Variants in KSR1 observed in about 807,000 individuals in gnomAD.
KSR1 encodes kinase suppressor of ras 1, also known as kinase suppressor of ras.
KSR1 carries 35 observed loss-of-function variants against 92.9 expected under a neutral mutation model. That is an observed-to-expected ratio of 0.38 (90% CI 0.29 to 0.50). The LOEUF (loss-of-function observed/expected upper bound fraction) is 0.50, where lower values mean the gene tolerates loss of function less well. Ranked by LOEUF, KSR1 falls within the 20% of genes least tolerant of loss-of-function variation. KSR1 has a pLI of 0.94. For synonymous variants in KSR1, 467 were observed against 472.6 expected (o/e 0.99, Z 0.15); for missense variants, 972 against 1,158.5 (o/e 0.84, Z 2.34).
At chr17:27,578,549 C>G (rs957206470) in intron 3 of KSR1, 1 of 152,214 alleles carries the variant, frequency 6.6e-6, no homozygotes, top group Non-Finnish European at 1.5e-5. Context: ...GGAGACTGAG[C>G]TCAGAGAGGG....
In KSR1 at chr17:27,577,482, G is replaced by C; in HGVS notation, c.373-10G>C. 1.3e-6 allele frequency: 2 copies of C among 1,488,028 alleles called. No homozygotes were observed. Among genetic ancestry groups the C allele is most frequent in the Non-Finnish European group, 1.8e-6 (2 of 1,092,994 alleles). 92.2% of individuals were successfully genotyped at this position (1,488,028 alleles called of 1,614,324 possible). ...TCACCGCCTCTCTGCCTGTCCCTCT[G>C]TCCCCTTAGGAGATCCCCCGAGACC... On this transcript the variant is annotated splice_polypyrimidine_tract_variant and intron_variant, in intron 2 of 20. Coordinates refer to ENST00000644974, the MANE Select transcript of KSR1 (RefSeq NM_001394583.1). This position sits in a 1 kb window ranked among gnomAD's most constrained non-coding sequence, Gnocchi z 4.5.
In KSR1 at chr17:27,597,278, C is replaced by G; in HGVS notation, c.1310C>G (p.Pro437Arg). ...PKALTKKEHP[P>R]AMNHLDSSSN... The stretch of plus-strand genomic sequence containing the variant: ...TCTCTGGTCCTGCAGGAGCACCCTC[C>G]GGCCATGAATCACCTGGACTCCAGC... Residue 437 changes from proline to arginine, a missense_variant, in exon 10 of 21, where the codon CCG becomes CGG. Physicochemically the swap from Pro to Arg is moderately radical, Grantham distance 103. Coordinates refer to ENST00000644974, the MANE Select transcript of KSR1 (RefSeq NM_001394583.1). 1.3e-6 allele frequency: 2 copies of G among 1,589,876 alleles called. No homozygotes were observed. Among genetic ancestry groups the G allele is most frequent in the Non-Finnish European group, 1.7e-6 (2 of 1,168,770 alleles).
intron 1 of KSR1, among the ~76,000 whole-genome samples, chr17:27,485,789 C>A (rs1286657470): frequency 6.6e-6 from 1 of 152,138 alleles, no homozygotes; most frequent in Non-Finnish European, 1.5e-5. Flanking sequence ...CCTCACTTTG[C>A]CATTTGCTGG....
intron 11 of KSR1, among the ~76,000 whole-genome samples, 198 bp from the exon 12 acceptor site, chr17:27,603,636 G>A (rs1207684752): frequency 6.6e-6 from 1 of 152,230 alleles, no homozygotes; most frequent in East Asian, 1.9e-4. Flanking sequence ...GTATGCAGAA[G>A]CAGGTGCTGT....
intron 1 of KSR1, among the ~76,000 whole-genome samples, chr17:27,545,426 C>G (rs1277748368): frequency 6.6e-6 from 1 of 152,226 alleles, no homozygotes; most frequent in Non-Finnish European, 1.5e-5. Flanking sequence ...TGGCTCATGC[C>G]TTTAATCCCA....
chr17:27,620,367 C>T (rs1256122012), intron 19 of KSR1, among the ~76,000 whole-genome samples: 1 of 152,238 alleles, frequency 6.6e-6, no homozygotes. Flanking sequence ...AAGGAGATTG[C>T]AGTGTCCTAA....
intron 1 of KSR1, among the ~76,000 whole-genome samples, chr17:27,460,583 C>A (rs1413671250): frequency 6.6e-6 from 1 of 152,132 alleles, no homozygotes; most frequent in African/African-American, 2.4e-5. Flanking sequence ...ACAGTCTCTG[C>A]CCTTGGGCTG....
At chr17:27,623,175 C>T (rs2074272150) in intron 20 of KSR1, 139 bp from the exon 21 acceptor site, 1 of 685,684 alleles carries the variant, frequency 1.5e-6, no homozygotes, top group Non-Finnish European at 2.7e-6. Flanking sequence ...GCAGCTCTGC[C>T]AGGGCTGTTG....
chr17:27,471,738 A>G (rs544385044), intron 1 of KSR1, among the ~76,000 whole-genome samples: 27 of 152,296 alleles, frequency 1.8e-4, no homozygotes, highest in African/African-American at 5.5e-4. Context: ...GTTCTGGAAT[A>G]TAAGAGTGAA....
intron 1 of KSR1, among the ~76,000 whole-genome samples, chr17:27,526,084 C>CTT (rs1356008835): frequency 1.4e-5 from 1 of 73,824 alleles, no homozygotes; most frequent in African/African-American, 6.6e-5. Flanking sequence ...TTCTTTCTTT[C>CTT]TTTCTTTCTT....
chr17:27,463,810 G>T (rs1179560066), intron 1 of KSR1, among the ~76,000 whole-genome samples: 2 of 152,190 alleles, frequency 1.3e-5, no homozygotes, highest in Non-Finnish European at 2.9e-5. Flanking sequence ...ATTCTTGGTT[G>T]CATCCCTAAC....
intron 1 of KSR1, among the ~76,000 whole-genome samples, chr17:27,505,272 C>T (rs1023210913): frequency 3.3e-5 from 5 of 152,288 alleles, no homozygotes; most frequent in Non-Finnish European, 5.9e-5. Flanking sequence ...GACCTGAACT[C>T]GTTGTGGGCT....
intron 1 of KSR1, among the ~76,000 whole-genome samples, chr17:27,504,621 G>A (rs964094973): frequency 2.6e-5 from 4 of 152,172 alleles, no homozygotes; most frequent in African/African-American, 9.7e-5. Context: ...TGGGCAGGAA[G>A]CACCGCAGTC....
chr17:27,516,099 A>G (rs1465531294), intron 1 of KSR1, among the ~76,000 whole-genome samples: 1 of 152,176 alleles, frequency 6.6e-6, no homozygotes, highest in Non-Finnish European at 1.5e-5. Flanking sequence ...TATCTAACTA[A>G]GAGACCTATC....
At position 27,532,572 on chromosome 17, in the gene KSR1, T is replaced by G. The variant is rs537092431; in HGVS notation, c.232-17996T>G. ...TCAGAAAGCTAAACACAGAGAGCCC[T>G]TGCAACTGGAGAACTAGCAGGAGGC... On this transcript the variant is annotated intron_variant, in intron 1 of 20. Transcript: ENST00000644974. Among the ~76,000 whole-genome samples the G allele has an allele frequency of 4.9e-4, 74 of 152,334 alleles. 1 individual carries two copies. Among genetic ancestry groups the G allele is most frequent in the Admixed American group, 1.6e-3 (24 of 15,306 alleles).
chr17:27,586,806 G>T (rs1284786757), intron 5 of KSR1, among the ~76,000 whole-genome samples: 3 of 152,190 alleles, frequency 2.0e-5, no homozygotes, highest in Admixed American at 6.5e-5. Flanking sequence ...GGGGCTAATT[G>T]ATTGAAGTTC....
chr17:27,574,639 A>C (rs1027306202), intron 2 of KSR1, among the ~76,000 whole-genome samples: 1 of 152,236 alleles, frequency 6.6e-6, no homozygotes, highest in Non-Finnish European at 1.5e-5. Flanking sequence ...TCATACCTTC[A>C]GGACTCAGCC....
chr17:27,473,536 G>T (rs2140224), intron 1 of KSR1, among the ~76,000 whole-genome samples: 73,865 of 152,034 alleles, frequency 0.49, 19,269 homozygotes, highest in East Asian at 0.69. Flanking sequence ...CAGCCTGTAG[G>T]GCTGGGGTTT....
intron 1 of KSR1, among the ~76,000 whole-genome samples, chr17:27,547,427 G>A (rs2071219069): frequency 6.6e-6 from 1 of 152,206 alleles, no homozygotes; most frequent in Admixed American, 6.5e-5. Flanking sequence ...TTGATTGTAG[G>A]CAATGAGGCA....
Sources: allele counts gnomAD v4.1 joint callset (sites outside exome capture counted in the v4.1 genomes callset), GRCh38; gene constraint gnomAD v4.1.1; non-coding constraint Gnocchi (gnomAD v3.1); transcripts MANE v1.5; gene names NCBI Gene and HGNC (gene_info 2026-07-23, HGNC 2026-07-21).